GNA13: variants seen among roughly 807,000 people sequenced by gnomAD.
GNA13 encodes guanine nucleotide-binding protein subunit alpha-13.
GNA13 carries 4 observed loss-of-function variants against 33.5 expected under a neutral mutation model. That is an observed-to-expected ratio of 0.12 (90% CI 0.06 to 0.27). The LOEUF (loss-of-function observed/expected upper bound fraction) is 0.27. Among genes scored for constraint, GNA13 ranks in the 10% least tolerant of loss-of-function variants. The pLI is 1.00. For synonymous variants in GNA13, 176 were observed against 183.8 expected (o/e 0.96, Z 0.34); for missense variants, 319 against 487.2 (o/e 0.65, Z 3.25).
chr17:65,024,025 G>A lies in GNA13; in HGVS notation c.511-5722C>T, dbSNP rs148331773. On this transcript the variant is annotated intron_variant, in intron 2 of 3. Coordinates refer to ENST00000439174, the MANE Select transcript of GNA13 (RefSeq NM_006572.6). The stretch of plus-strand genomic sequence containing the variant: ...CAGCACTTTGGGAGGACGCCAAAGC[G>A]GGAGGATTGCTTGAGCCCAGGAGTT... Among the ~76,000 whole-genome samples, 6 of 152,300 alleles carry A rather than the reference G, an allele frequency of 3.9e-5. No individual in the cohort carries two copies. The East Asian group carries it at 5.8e-4, about 15-fold the overall frequency.
chr17:65,017,061 A>G (rs568551132), intron 3 of GNA13, among the ~76,000 whole-genome samples: 1 of 152,284 alleles, frequency 6.6e-6, no homozygotes, highest in Non-Finnish European at 1.5e-5. Flanking sequence ...ACTATTTCCT[A>G]AGATTAAAAT....
chr17:65,029,616 A>C lies in GNA13; in HGVS notation c.511-11313T>G, dbSNP rs995310965. ...ATACTCTTCACTCAATATCTTTTGC[A>C]CTTACGGTTTATACCACTCATGGCA... On this transcript the variant is annotated intron_variant, in intron 2 of 3. Transcript: ENST00000439174. 1.2e-4 allele frequency among the ~76,000 whole-genome samples: 4 copies of C among 33,596 alleles called. No homozygotes were observed. The Non-Finnish European group carries it at 0.01, about 85-fold the overall frequency. The allele number at this position is 33,596 out of a possible 152,430, so 22.0% of individuals were successfully genotyped here. A position where few individuals can be genotyped will look rare whatever the true frequency, so the allele number is the denominator to read the frequency against.
chr17:65,017,650 T>C (rs777573371), intron 3 of GNA13, among the ~76,000 whole-genome samples: 3 of 152,194 alleles, frequency 2.0e-5, no homozygotes, highest in South Asian at 2.1e-4. Context: ...AGGAAAATGA[T>C]AGACTCTCTT....
chr17:65,026,529 T>A (rs1268961257), intron 2 of GNA13, among the ~76,000 whole-genome samples: 3 of 152,152 alleles, frequency 2.0e-5, no homozygotes, highest in African/African-American at 7.2e-5. Flanking sequence ...CCAAAGTAAG[T>A]ATAATTAAAG....
chr17:65,017,400 T>G (rs1396449594), intron 3 of GNA13, among the ~76,000 whole-genome samples: 1 of 152,118 alleles, frequency 6.6e-6, no homozygotes, highest in Admixed American at 6.5e-5. Flanking sequence ...ATACTAGCTG[T>G]GTGAAGAAGA....
intron 2 of GNA13, among the ~76,000 whole-genome samples, chr17:65,020,084 C>A (rs1191005498): frequency 6.6e-6 from 1 of 152,172 alleles, no homozygotes; most frequent in Admixed American, 6.5e-5. Context: ...TGTTTAGTGT[C>A]CTCATTCAAA....
At position 65,025,968 on chromosome 17, in the gene GNA13, G is replaced by A. The variant is rs975733286; in HGVS notation, c.511-7665C>T. Among the ~76,000 whole-genome samples the A allele has an allele frequency of 3.9e-5, 6 of 151,956 alleles. No homozygotes were observed. In the South Asian group the frequency reaches 6.2e-4, roughly 16 times the overall value. On this transcript the variant is annotated intron_variant, in intron 2 of 3. Coordinates refer to ENST00000439174, the MANE Select transcript of GNA13 (RefSeq NM_006572.6). ...GCAGCAGCACTCTCCATCGTTTTAC[G>A]TGGTAAACAGGTAAAAAAACTGCAC...
intron 2 of GNA13, among the ~76,000 whole-genome samples, chr17:65,035,692 T>A (rs80235387): frequency 2.6e-5 from 4 of 152,200 alleles, no homozygotes; most frequent in African/African-American, 7.2e-5. Flanking sequence ...AAGGTTAAAA[T>A]ACTTTTTTGA....
At chr17:65,037,937 C>A (rs1598492642) in intron 2 of GNA13, among the ~76,000 whole-genome samples, 1 of 152,094 alleles carries the variant, frequency 6.6e-6, no homozygotes, top group African/African-American at 2.4e-5. Context: ...TCCTCAATTT[C>A]TATCTCTAGC....
chr17:65,025,513 A>C (rs998433344), intron 2 of GNA13, among the ~76,000 whole-genome samples: 9 of 152,184 alleles, frequency 5.9e-5, no homozygotes, highest in African/African-American at 1.7e-4. Context: ...ACATTACTGA[A>C]CGTGCTGAGA....
At chr17:65,024,521 C>T (rs141854325) in intron 2 of GNA13, among the ~76,000 whole-genome samples, 1 of 152,264 alleles carries the variant, frequency 6.6e-6, no homozygotes, top group Non-Finnish European at 1.5e-5. Context: ...CTACATAATG[C>T]CCTTGATTTC....
At chr17:65,024,932 C>T (rs549490781) in intron 2 of GNA13, among the ~76,000 whole-genome samples, 4 of 152,138 alleles carry the variant, frequency 2.6e-5, no homozygotes, top group Non-Finnish European at 5.9e-5. Context: ...GTTATCCAGG[C>T]TGGAGTACAG....
chr17:65,056,549 G>T lies in GNA13; in HGVS notation c.45C>A (p.Phe15Leu), dbSNP rs981601204. 1.2e-6 allele frequency: 2 copies of T among 1,612,142 alleles called. No homozygotes were observed. Among genetic ancestry groups the T allele is most frequent in the African/African-American group, 2.7e-5 (2 of 74,864 alleles). ...LPSRSVLSVC[F>L]PGCLLTSGEA... ...CGCCACTCGTCAGCAGGCAGCCGGG[G>T]AAGCACACGGACAGCACGGACCGCG... The change falls in exon 1 of 4, where the codon TTC becomes TTA. Residue 15 changes from phenylalanine to leucine, a missense_variant. Physicochemically the swap from Phe to Leu is conservative, Grantham distance 22 (BLOSUM62 0). Transcript: ENST00000439174.
At chr17:65,031,342 G>A (rs927878907) in intron 2 of GNA13, among the ~76,000 whole-genome samples, 1 of 152,170 alleles carries the variant, frequency 6.6e-6, no homozygotes, top group African/African-American at 2.4e-5. Flanking sequence ...TTACAGGGCC[G>A]CCATTTTATA....
At chr17:65,018,112 AAAAAAAAAAAAAAAAAAAAAAAAAAAAG>A (rs1906440940) in intron 3 of GNA13, 113 bp downstream of exon 3, 6 of 143,948 alleles carry the variant, frequency 4.2e-5, no homozygotes, top group African/African-American at 2.4e-4. Flanking sequence ...AAAAAAAAAA[AAAAAAAAAAAAAAAAAAAAAAAAAAAAG>A]AGAGAAAGAA....
intron 2 of GNA13, among the ~76,000 whole-genome samples, chr17:65,022,035 A>G (rs1229371705): frequency 2.0e-5 from 3 of 152,228 alleles, no homozygotes; most frequent in African/African-American, 7.2e-5. Flanking sequence ...ATTCTGGACC[A>G]GGGGTCTGTC....
intron 1 of GNA13, among the ~76,000 whole-genome samples, chr17:65,054,014 G>A (rs1182227213): frequency 6.6e-6 from 1 of 152,184 alleles, no homozygotes; most frequent in African/African-American, 2.4e-5. Context: ...TTCTAGGATA[G>A]AAGGTAGTCA....
chr17:65,053,368 T>C (rs1907922589), intron 2 of GNA13, 134 bp downstream of exon 2: 1 of 645,566 alleles, frequency 1.5e-6, no homozygotes, highest in Non-Finnish European at 2.8e-6. Context: ...TGCCTTAGCC[T>C]TTCAGTCTGT....
chr17:65,054,744 A>G (rs1401859813), intron 1 of GNA13, among the ~76,000 whole-genome samples: 1 of 152,240 alleles, frequency 6.6e-6, no homozygotes, highest in African/African-American at 2.4e-5. Flanking sequence ...CGAGGTGTTT[A>G]CCAGGCTCAC....
Sources: allele counts gnomAD v4.1 joint callset (sites outside exome capture counted in the v4.1 genomes callset), GRCh38; gene constraint gnomAD v4.1.1; transcripts MANE v1.5; gene names NCBI Gene and HGNC (gene_info 2026-07-23, HGNC 2026-07-21).